The following UBE2E2 variants were observed in gnomAD, a reference collection of about 807,000 sequenced individuals.
The protein encoded by UBE2E2 is ubiquitin conjugating enzyme E2 E2.
Under a neutral mutation model 24.7 loss-of-function variants are expected in UBE2E2, and 6 were observed. That is an observed-to-expected ratio of 0.24 (90% CI 0.13 to 0.48). The LOEUF is 0.48. Among genes scored for constraint, UBE2E2 ranks in the 20% least tolerant of loss-of-function variants. The pLI is 0.99. For synonymous variants in UBE2E2, 104 were observed against 83.6 expected, an observed-to-expected ratio of 1.24 and a Z score of -1.33; for missense variants, 169 against 245.0, an observed-to-expected ratio of 0.69 and a Z score of 2.07.
intron 3 of UBE2E2, among the ~76,000 whole-genome samples, chr3:23,289,475 A>G (rs998598555): frequency 2.6e-5 from 4 of 152,240 alleles, no homozygotes; most frequent in East Asian, 1.9e-4. Flanking sequence ...AGCAAAAGCA[A>G]TTTGACACTT....
At chr3:23,341,201 C>G (rs1370541727) in intron 3 of UBE2E2, among the ~76,000 whole-genome samples, 1 of 152,124 alleles carries the variant, frequency 6.6e-6, no homozygotes, top group Non-Finnish European at 1.5e-5. Context: ...AAAGAGCAGA[C>G]TGGGAAGCAA....
intron 5 of UBE2E2, among the ~76,000 whole-genome samples, chr3:23,571,481 G>A (rs529176558): frequency 6.6e-6 from 1 of 150,974 alleles, no homozygotes; most frequent in Non-Finnish European, 1.5e-5. Flanking sequence ...GTAGGGACAG[G>A]GTTTCACCAT....
At chr3:23,405,374 T>C (rs1012573099) in intron 3 of UBE2E2, among the ~76,000 whole-genome samples, 2 of 152,198 alleles carry the variant, frequency 1.3e-5, no homozygotes, top group Admixed American at 1.3e-4. Context: ...AGTCTTGAAG[T>C]CCCAGAGCTT....
At chr3:23,569,938 A>G (rs1391660660) in intron 5 of UBE2E2, among the ~76,000 whole-genome samples, 1 of 152,120 alleles carries the variant, frequency 6.6e-6, no homozygotes, top group Non-Finnish European at 1.5e-5. Flanking sequence ...TTTTAATTTT[A>G]TCCAGTTACT....
At chr3:23,540,542 T>C in intron 5 of UBE2E2, among the ~76,000 whole-genome samples, 1 of 152,038 alleles carries the variant, frequency 6.6e-6, no homozygotes, top group East Asian at 1.9e-4. Flanking sequence ...GTAGCTGAGA[T>C]TACAGGCGCG....
intron 1 of UBE2E2, among the ~76,000 whole-genome samples, chr3:23,207,367 G>C (rs1399401090): frequency 6.6e-6 from 1 of 152,030 alleles, no homozygotes; most frequent in Admixed American, 6.5e-5. Context: ...TGCTTGGGGG[G>C]CCTGAACTCA....
At position 23,359,591 on chromosome 3, in the gene UBE2E2, T is replaced by A. The variant is rs191003280; in HGVS notation, c.228-140017T>A. ...ATGATCTTTGATCTATTAAAAAAAA[T>A]TTGTAGCACGTTTAGAAACCAACTT... On this transcript the variant is annotated intron_variant, in intron 3 of 5. Coordinates refer to ENST00000396703, the MANE Select transcript of UBE2E2 (RefSeq NM_152653.4). Among the ~76,000 whole-genome samples the A allele has an allele frequency of 2.3e-3, 347 of 152,316 alleles. 3 individuals are homozygous for A. The highest frequency in any genetic ancestry group is 7.9e-3 in the African/African-American group (329 of 41,582).
At chr3:23,292,079 T>G (rs6769951) in intron 3 of UBE2E2, among the ~76,000 whole-genome samples, 1 of 151,814 alleles carries the variant, frequency 6.6e-6, no homozygotes, top group Admixed American at 6.6e-5. Flanking sequence ...AGGATGGTCT[T>G]GATCTCCTGA....
chr3:23,432,299 A>G (rs1698079637), intron 3 of UBE2E2, among the ~76,000 whole-genome samples: 1 of 152,126 alleles, frequency 6.6e-6, no homozygotes, highest in South Asian at 2.1e-4. Flanking sequence ...GAAAGGTATC[A>G]TAAGTGCAAT....
intron 5 of UBE2E2, among the ~76,000 whole-genome samples, chr3:23,556,454 T>TAAAAAAAAAAAAAAAAAAAAAAA (rs5847239): frequency 4.7e-4 from 44 of 94,278 alleles, no homozygotes; most frequent in African/African-American, 7.7e-4. Context: ...AAAATTTATT[T>TAAAAAAAAAAAAAAAAAAAAAAA]AAAAAAAAAA....
chr3:23,232,696 G>T (rs1697004969), intron 3 of UBE2E2, among the ~76,000 whole-genome samples: 2 of 152,186 alleles, frequency 1.3e-5, no homozygotes, highest in Non-Finnish European at 2.9e-5. Flanking sequence ...GTTTTTAAAA[G>T]ATTTTAAATG....
chr3:23,544,754 TAGAG>T (rs1695478862), intron 5 of UBE2E2, among the ~76,000 whole-genome samples: 1 of 151,996 alleles, frequency 6.6e-6, no homozygotes, highest in African/African-American at 2.4e-5. Flanking sequence ...AGACAAAGTA[TAGAG>T]AAAGAAATAA....
chr3:23,589,764 A>C lies in UBE2E2; in HGVS notation c.539A>C (p.Gln180Pro). The C allele has an allele frequency of 6.2e-7, 1 of 1,614,102 alleles. No individual in the cohort carries two copies. Among genetic ancestry groups the C allele is most frequent in the Non-Finnish European group, 8.5e-7 (1 of 1,179,972 alleles). The change falls in exon 6 of 6, where the codon CAG becomes CCG. Residue 180 changes from glutamine (Q) to proline (P), a missense_variant. Around this residue, in one of 2 missense-constraint regions of UBE2E2, gnomAD observed 105 missense variants for 180.7 expected, o/e 0.58. Coordinates refer to ENST00000396703, the MANE Select transcript of UBE2E2 (RefSeq NM_152653.4). This position sits in a 1 kb window ranked among gnomAD's most constrained non-coding sequence, Gnocchi z 4.1. ...CCTCTGGTGGGCAGCATCGCCACACAGTACATGACCAACAGAGCAGAGCAT... is the reference window on the plus strand; with the variant it reads ...CCTCTGGTGGGCAGCATCGCCACACCGTACATGACCAACAGAGCAGAGCAT... The part of the protein sequence containing the change: ...ADPLVGSIAT[Q>P]YMTNRAEHDR...
chr3:23,218,350 C>A (rs1189173949), intron 3 of UBE2E2, among the ~76,000 whole-genome samples: 2 of 152,006 alleles, frequency 1.3e-5, no homozygotes, highest in African/African-American at 4.8e-5. Context: ...ACAAATATTT[C>A]TTTGTTAGGT....
At chr3:23,459,328 G>T (rs999206905) in intron 3 of UBE2E2, among the ~76,000 whole-genome samples, 18 of 152,158 alleles carry the variant, frequency 1.2e-4, no homozygotes, top group Non-Finnish European at 2.4e-4. Flanking sequence ...TCATTGACAA[G>T]GCAGATGTGA....
At chr3:23,513,524 A>G (rs1694655449) in intron 4 of UBE2E2, among the ~76,000 whole-genome samples, 1 of 152,174 alleles carries the variant, frequency 6.6e-6, no homozygotes, top group South Asian at 2.1e-4. Flanking sequence ...GTATCTTTGT[A>G]CATACTGTCT....
chr3:23,523,143 C>A (rs1297950925), intron 4 of UBE2E2, among the ~76,000 whole-genome samples: 1 of 152,172 alleles, frequency 6.6e-6, no homozygotes, highest in East Asian at 1.9e-4. Flanking sequence ...TAGGTATGTT[C>A]CAGAAACATT....
rs547378612 is a variant in UBE2E2, at chr3:23,402,134, G to A, written c.228-97474G>A. On this transcript the variant is annotated intron_variant, in intron 3 of 5. Transcript: ENST00000396703. Reference sequence around the variant, plus strand: ...CTCCCAAAGTGCTGGGATTACAGGCGTGAGCCACCGCGCCCGACCCCAATC... The same window carrying A: ...CTCCCAAAGTGCTGGGATTACAGGCATGAGCCACCGCGCCCGACCCCAATC... Among the ~76,000 whole-genome samples, 21 of 152,152 alleles carry A rather than the reference G, an allele frequency of 1.4e-4. No individual in the cohort carries two copies. In the South Asian group the frequency reaches 3.3e-3, roughly 24 times the overall value.
chr3:23,298,185 G>A (rs1256110883), intron 3 of UBE2E2, among the ~76,000 whole-genome samples: 1 of 152,132 alleles, frequency 6.6e-6, no homozygotes, highest in African/African-American at 2.4e-5. Context: ...AGGAGATTTT[G>A]GGCTGAGACA....
Sources: gnomAD v4.1 joint callset for allele counts (sites outside exome capture counted in the v4.1 genomes callset) on GRCh38, gnomAD v4.1.1 for gene constraint, gnomAD v4.1.1 regional missense constraint, Gnocchi (gnomAD v3.1) non-coding constraint, MANE v1.5 for transcripts, NCBI Gene and HGNC (gene_info 2026-07-23, HGNC 2026-07-21) for gene names.